Variants in OR1J2 observed in about 807,000 individuals in gnomAD.
OR1J2 encodes the protein olfactory receptor family 1 subfamily J member 2.
For missense variants in OR1J2, 304 were observed against 246.1 expected, an observed-to-expected ratio of 1.24 and a Z score of -1.57; for synonymous variants, 142 against 99.7, an observed-to-expected ratio of 1.42 and a Z score of -2.52.
At chr9:122,536,033 AT>A in the OR1J2 span, among the ~76,000 whole-genome samples, 1 of 152,114 alleles carries the variant, frequency 6.6e-6, no homozygotes, top group Non-Finnish European at 1.5e-5. Flanking sequence ...GGAACAGGCC[AT>A]TTTCACTTCT....
At chr9:122,509,908 A>G (rs2119377153), upstream of OR1J2, among the ~76,000 whole-genome samples, 1 of 152,286 alleles carries the variant, frequency 6.6e-6, no homozygotes, top group South Asian at 2.1e-4. Context: ...ACATAATTGA[A>G]ACAAATAAAA....
the OR1J2 span, among the ~76,000 whole-genome samples, chr9:122,473,967 C>T: frequency 2.0e-5 from 3 of 152,124 alleles, no homozygotes; most frequent in African/African-American, 7.2e-5. Flanking sequence ...GGTATCTGTG[C>T]GATTGCTAAT....
At chr9:122,477,239 A>G in the OR1J2 span, 5 of 1,614,122 alleles carry the variant, frequency 3.1e-6, no homozygotes, top group African/African-American at 2.7e-5. Flanking sequence ...CCCTTGGTAG[A>G]GGGAATCTGG....
chr9:122,565,651 A>T, the OR1J2 span, among the ~76,000 whole-genome samples: 2 of 152,216 alleles, frequency 1.3e-5, no homozygotes, highest in African/African-American at 4.8e-5. Flanking sequence ...TCATAGAAGA[A>T]GTATGGATCC....
At chr9:122,504,548 C>T in the OR1J2 span, among the ~76,000 whole-genome samples, 6 of 152,204 alleles carry the variant, frequency 3.9e-5, no homozygotes, top group Admixed American at 6.5e-5. Context: ...GCTTTTTTCT[C>T]AGTGGTAAGA....
the OR1J2 span, among the ~76,000 whole-genome samples, chr9:122,502,963 A>G: frequency 6.6e-6 from 1 of 152,238 alleles, no homozygotes; most frequent in Non-Finnish European, 1.5e-5. Context: ...CATTGGTTCA[A>G]AGAACATATT....
chr9:122,550,488 A>G, the OR1J2 span, among the ~76,000 whole-genome samples: 1 of 152,310 alleles, frequency 6.6e-6, no homozygotes, highest in Admixed American at 6.5e-5. Flanking sequence ...AATAGATGCA[A>G]AAATTCTCCA....
chr9:122,516,365 G>T (rs1416641757), downstream of OR1J2, among the ~76,000 whole-genome samples: 2 of 147,184 alleles, frequency 1.4e-5, no homozygotes, highest in African/African-American at 5.1e-5. Context: ...GTGCAGTGGC[G>T]GGATCTCGGC....
chr9:122,459,958 T>A, the OR1J2 span, among the ~76,000 whole-genome samples: 2 of 152,018 alleles, frequency 1.3e-5, no homozygotes, highest in East Asian at 1.9e-4. Flanking sequence ...GTAAAACCCA[T>A]ACTTATTTTT....
At chr9:122,449,600 A>G in the OR1J2 span, among the ~76,000 whole-genome samples, 1 of 151,986 alleles carries the variant, frequency 6.6e-6, no homozygotes, top group Non-Finnish European at 1.5e-5. Flanking sequence ...CGATCTCCTG[A>G]CCTCGTGATC....
chr9:122,513,459 T>A (rs1828663433), downstream of OR1J2, among the ~76,000 whole-genome samples: 1 of 152,244 alleles, frequency 6.6e-6, no homozygotes, highest in South Asian at 2.1e-4. Context: ...GAAAACAGTC[T>A]GGCATTGTTG....
chr9:122,519,671 C>T, the OR1J2 span: 3 of 1,614,160 alleles, frequency 1.9e-6, no homozygotes, highest in South Asian at 3.3e-5. Flanking sequence ...TCCCCCATTT[C>T]TTCTGTGATC....
the OR1J2 span, among the ~76,000 whole-genome samples, chr9:122,487,578 A>T: frequency 6.6e-6 from 1 of 152,122 alleles, no homozygotes; most frequent in African/African-American, 2.4e-5. Context: ...TGAACCAATC[A>T]TTCATTTTCT....
the OR1J2 span, among the ~76,000 whole-genome samples, chr9:122,464,291 C>G: frequency 6.6e-6 from 1 of 152,206 alleles, no homozygotes; most frequent in African/African-American, 2.4e-5. Flanking sequence ...GTCTCACTCC[C>G]AAGGTGCTCC....
At chr9:122,476,100 C>A in the OR1J2 span, among the ~76,000 whole-genome samples, 1 of 152,142 alleles carries the variant, frequency 6.6e-6, no homozygotes, top group Non-Finnish European at 1.5e-5. Context: ...TTAGATCAGT[C>A]CCTGAGAGAA....
chr9:122,544,189 A>T, the OR1J2 span, among the ~76,000 whole-genome samples: 8 of 151,934 alleles, frequency 5.3e-5, no homozygotes, highest in Non-Finnish European at 8.8e-5. Flanking sequence ...AAATTTTTTT[A>T]AATTTAATTT....
chr9:122,465,135 CTT>C, the OR1J2 span, among the ~76,000 whole-genome samples: 13 of 152,252 alleles, frequency 8.5e-5, no homozygotes, highest in South Asian at 4.1e-4. Flanking sequence ...AAAAAAATCT[CTT>C]GTCAGGATAA....
At chr9:122,531,410 G>A in the OR1J2 span, among the ~76,000 whole-genome samples, 3 of 152,342 alleles carry the variant, frequency 2.0e-5, no homozygotes, top group Non-Finnish European at 1.5e-5. Flanking sequence ...GAGTAGTTGA[G>A]AACGGTGAAT....
chr9:122,477,288 G>A, the OR1J2 span: 2 of 1,614,056 alleles, frequency 1.2e-6, no homozygotes, highest in African/African-American at 1.3e-5. Context: ...AAACCAGGAT[G>A]CACAGGAATG....
Sources: allele counts gnomAD v4.1 joint callset (sites outside exome capture counted in the v4.1 genomes callset), GRCh38; gene constraint gnomAD v4.1.1; transcripts MANE v1.5; gene names NCBI Gene and HGNC (gene_info 2026-07-23, HGNC 2026-07-21).